ATOSA: variants seen among roughly 807,000 people sequenced by gnomAD.
ATOSA encodes atos homolog protein A.
the ATOSA span, among the ~76,000 whole-genome samples, chr15:52,636,688 T>C: frequency 1.6e-3 from 246 of 152,332 alleles, 1 homozygote; most frequent in African/African-American, 5.7e-3. Flanking sequence ...TATTTTGTTA[T>C]GGCAGGCTGA....
At chr15:52,696,946 A>G in the ATOSA span, among the ~76,000 whole-genome samples, 1 of 152,118 alleles carries the variant, frequency 6.6e-6, no homozygotes, top group Admixed American at 6.5e-5. Context: ...GAAAAGATTA[A>G]AAACCCATGT....
chr15:52,696,726 T>G, the ATOSA span, among the ~76,000 whole-genome samples: 1 of 152,138 alleles, frequency 6.6e-6, no homozygotes, highest in Non-Finnish European at 1.5e-5. Flanking sequence ...GAAATTATAT[T>G]AGACCTACCA....
the ATOSA span, among the ~76,000 whole-genome samples, chr15:52,691,261 C>A: frequency 4.9e-3 from 744 of 152,258 alleles, 9 homozygotes; most frequent in African/African-American, 0.017. Flanking sequence ...TCCCTAAACA[C>A]CTGAACTTCT....
At chr15:52,646,084 G>C in the ATOSA span, among the ~76,000 whole-genome samples, 53 of 152,186 alleles carry the variant, frequency 3.5e-4, no homozygotes, top group East Asian at 9.5e-3. Flanking sequence ...AACATAGGCT[G>C]GTTTCCCAAA....
chr15:52,681,760 C>T, the ATOSA span, among the ~76,000 whole-genome samples: 1 of 152,140 alleles, frequency 6.6e-6, no homozygotes. Flanking sequence ...AAAGTTAACT[C>T]ATCTTCAGCA....
the ATOSA span, among the ~76,000 whole-genome samples, chr15:52,661,120 T>C: frequency 6.6e-6 from 1 of 152,238 alleles, no homozygotes; most frequent in East Asian, 1.9e-4. Flanking sequence ...CTGATTTAAT[T>C]TGACAATTAT....
At chr15:52,605,146 A>G in the ATOSA span, 1 of 1,608,160 alleles carries the variant, frequency 6.2e-7, no homozygotes, top group Non-Finnish European at 8.5e-7. Flanking sequence ...GCTTGAAAGA[A>G]GAGGCAATCC....
chr15:52,607,905 G>C, the ATOSA span, among the ~76,000 whole-genome samples: 1 of 151,976 alleles, frequency 6.6e-6, no homozygotes, highest in Non-Finnish European at 1.5e-5. Context: ...TTTTGAAACA[G>C]GGTCTCACTC....
the ATOSA span, chr15:52,629,807 A>T: frequency 6.5e-6 from 1 of 153,866 alleles, no homozygotes; most frequent in Non-Finnish European, 1.4e-5. Context: ...ATCTAAAAAA[A>T]ATTAAAAAAT....
chr15:52,677,497 G>A, the ATOSA span, among the ~76,000 whole-genome samples: 3 of 152,208 alleles, frequency 2.0e-5, no homozygotes, highest in African/African-American at 7.2e-5. Flanking sequence ...CTGTCCATAT[G>A]CTGGTATATT....
At chr15:52,700,013 G>A in the ATOSA span, among the ~76,000 whole-genome samples, 2 of 152,120 alleles carry the variant, frequency 1.3e-5, no homozygotes, top group African/African-American at 2.4e-5. Flanking sequence ...GGTATGCCAT[G>A]AACTACTTTA....
At chr15:52,583,785 T>C in the ATOSA span, among the ~76,000 whole-genome samples, 3 of 152,226 alleles carry the variant, frequency 2.0e-5, no homozygotes, top group African/African-American at 4.8e-5. Flanking sequence ...CATCAGGTAG[T>C]GTCAGATTTG....
At chr15:52,617,249 C>T in the ATOSA span, among the ~76,000 whole-genome samples, 1 of 152,094 alleles carries the variant, frequency 6.6e-6, no homozygotes, top group Admixed American at 6.6e-5. Flanking sequence ...CCCCACCTCC[C>T]CCAGGCCACA....
At chr15:52,632,986 G>A in the ATOSA span, among the ~76,000 whole-genome samples, 1 of 152,036 alleles carries the variant, frequency 6.6e-6, no homozygotes, top group South Asian at 2.1e-4. Context: ...ATTCACTGTA[G>A]AATTCAATTT....
At chr15:52,699,172 A>G in the ATOSA span, among the ~76,000 whole-genome samples, 3 of 152,292 alleles carry the variant, frequency 2.0e-5, no homozygotes, top group East Asian at 5.8e-4. Flanking sequence ...ACCTAGCACC[A>G]TGACAAGGTT....
At chr15:52,659,057 T>C in the ATOSA span, among the ~76,000 whole-genome samples, 1 of 152,144 alleles carries the variant, frequency 6.6e-6, no homozygotes, top group Non-Finnish European at 1.5e-5. Flanking sequence ...TGATACTCTC[T>C]TACTCCTCTG....
At chr15:52,679,755 TCTCCTCCTCCTCCTC>T in the ATOSA span, among the ~76,000 whole-genome samples, 50 of 56,210 alleles carry the variant, frequency 8.9e-4, 1 homozygote, top group African/African-American at 2.6e-3. Flanking sequence ...ATAGTCGTCG[TCTCCTCCTCCTCCTC>T]CTCCTCCTCC....
At chr15:52,600,156 T>A in the ATOSA span, 1 of 1,608,806 alleles carries the variant, frequency 6.2e-7, no homozygotes. Context: ...CTAAGACTTG[T>A]TATAGGTGGA....
the ATOSA span, among the ~76,000 whole-genome samples, chr15:52,622,575 T>C: frequency 6.6e-6 from 1 of 152,326 alleles, no homozygotes; most frequent in South Asian, 2.1e-4. Flanking sequence ...TGCTAAGTAC[T>C]ATGCCATAAT....
Sources: gnomAD v4.1 joint callset for allele counts (sites outside exome capture counted in the v4.1 genomes callset) on GRCh38, gnomAD v4.1.1 for gene constraint, MANE v1.5 for transcripts, NCBI Gene and HGNC (gene_info 2026-07-23, HGNC 2026-07-21) for gene names.